Variants in PRKCB observed in about 807,000 individuals in gnomAD.
PRKCB encodes the protein protein kinase C beta type.
PRKCB carries 13 observed loss-of-function variants against 81.5 expected under a neutral mutation model. The observed-to-expected ratio is 0.16, with a 90% CI of 0.10 to 0.25. The LOEUF (loss-of-function observed/expected upper bound fraction) is 0.25, where lower values mean the gene tolerates loss of function less well. Ranked by LOEUF, PRKCB falls within the 10% of genes least tolerant of loss-of-function variation. PRKCB has a pLI of 1.00. For missense variants in PRKCB, 509 were observed against 875.7 expected (o/e 0.58, Z 5.29); for synonymous variants, 335 against 321.4 (o/e 1.04, Z -0.45).
At chr16:24,171,890 C>T (rs191289907) in intron 10 of PRKCB, among the ~76,000 whole-genome samples, 13 of 152,176 alleles carry the variant, frequency 8.5e-5, no homozygotes, top group East Asian at 1.9e-4. Flanking sequence ...CCTGCCACCA[C>T]GATTCGCTAA....
chr16:24,163,711 T>C (rs903176929), intron 10 of PRKCB, among the ~76,000 whole-genome samples: 1 of 152,230 alleles, frequency 6.6e-6, no homozygotes, highest in Non-Finnish European at 1.5e-5. Context: ...ACACATGTCA[T>C]TGAGTGCACA....
intron 2 of PRKCB, among the ~76,000 whole-genome samples, chr16:23,888,672 T>C (rs1379381446): frequency 6.8e-6 from 1 of 147,708 alleles, no homozygotes; most frequent in African/African-American, 2.7e-5. Context: ...GTCATGTTTC[T>C]CGACCACAAC....
rs73550406 is a variant in PRKCB, at chr16:24,194,638, C to G, written c.1863+3408C>G. On this transcript the variant is annotated intron_variant, in intron 16 of 16. Transcript: ENST00000643927. The stretch of plus-strand genomic sequence containing the variant: ...AAGAGGTCTAGCCTCGTGCCTGGCT[C>G]ATAGAAAGCACTCAGGAAAAGGTAG... Among the ~76,000 whole-genome samples the G allele has an allele frequency of 6.5e-3, 994 of 151,932 alleles. 12 individuals are homozygous for G. The highest frequency in any genetic ancestry group is 0.023 in the African/African-American group (946 of 41,220).
chr16:24,195,952 C>A (rs1567409366), intron 16 of PRKCB, among the ~76,000 whole-genome samples: 1 of 152,162 alleles, frequency 6.6e-6, no homozygotes, highest in Non-Finnish European at 1.5e-5. Flanking sequence ...TGCCCGAAGC[C>A]CTTTCCTATG....
At chr16:24,025,561 C>T (rs1965467935) in intron 3 of PRKCB, among the ~76,000 whole-genome samples, 1 of 152,198 alleles carries the variant, frequency 6.6e-6, no homozygotes, top group Non-Finnish European at 1.5e-5. Flanking sequence ...ACATTGCATG[C>T]AGTGAAGTGT....
chr16:23,875,499 A>AATG (rs1962982175), intron 2 of PRKCB, among the ~76,000 whole-genome samples: 1 of 17,586 alleles, frequency 5.7e-5, no homozygotes, highest in African/African-American at 2.2e-4. Flanking sequence ...ATATATATAT[A>AATG]TATATATGAT....
At chr16:24,113,542 C>T (rs1966704234) in intron 8 of PRKCB, among the ~76,000 whole-genome samples, 1 of 146,922 alleles carries the variant, frequency 6.8e-6, no homozygotes, top group African/African-American at 2.5e-5. Flanking sequence ...CCCCCCTTTC[C>T]TTTCTTTCTT....
rs1966866117 is a variant in PRKCB at position 24,136,761 on chromosome 16, A to AG, written c.1065+12782dup. 4.6e-5 allele frequency among the ~76,000 whole-genome samples: 7 copies of AG among 152,260 alleles called. No homozygotes were observed. The South Asian group carries it at 1.5e-3, about 32-fold the overall frequency. The stretch of plus-strand genomic sequence containing the variant: ...AGGAAAGATGACAAGAAAAGCAAAT[A>AG]GGATGTGGGCAGTTTTCCTATGAGA... On this transcript the variant is annotated intron_variant, in intron 9 of 16. Transcript: ENST00000643927.
intron 2 of PRKCB, among the ~76,000 whole-genome samples, chr16:23,953,484 G>A (rs1459775552): frequency 2.0e-5 from 3 of 152,134 alleles, no homozygotes; most frequent in South Asian, 2.1e-4. Flanking sequence ...ACACCCAGGG[G>A]CTCCTTGAAT....
chr16:24,062,492 TTG>T (rs1965986091), intron 5 of PRKCB, among the ~76,000 whole-genome samples: 3 of 152,228 alleles, frequency 2.0e-5, no homozygotes, highest in Non-Finnish European at 4.4e-5. Context: ...AAACGAATTG[TTG>T]TTCTTTCCTT....
At chr16:23,988,009 A>G (rs1964824700) in intron 2 of PRKCB, among the ~76,000 whole-genome samples, 1 of 152,172 alleles carries the variant, frequency 6.6e-6, no homozygotes, top group African/African-American at 2.4e-5. Flanking sequence ...TATTAGATTG[A>G]CGTTGCTTTT....
chr16:24,197,232 CATT>C (rs1299451606), intron 16 of PRKCB, among the ~76,000 whole-genome samples: 1 of 152,084 alleles, frequency 6.6e-6, no homozygotes, highest in East Asian at 1.9e-4. Flanking sequence ...AGTTGATAAA[CATT>C]ATGCAGGAAG....
chr16:24,137,248 G>A lies in PRKCB; in HGVS notation c.1065+13267G>A, dbSNP rs181677256. Among the ~76,000 whole-genome samples the A allele has an allele frequency of 3.3e-5, 5 of 152,074 alleles. No homozygotes were observed. The East Asian group carries it at 9.7e-4, about 29-fold the overall frequency. ...TTGTTGCCTAGGCTGGAGTGCAGTG[G>A]CATGATCTTAGCTCACTGCAGCCCC... On this transcript the variant is annotated intron_variant, in intron 9 of 16. Transcript: ENST00000643927.
At position 24,218,475 on chromosome 16, in the gene PRKCB, C is replaced by T. The variant is rs1414831579; in HGVS notation, c.*3659C>T. On this transcript the variant is annotated 3_prime_UTR_variant, in exon 17 of 17. Coordinates refer to ENST00000643927, the MANE Select transcript of PRKCB (RefSeq NM_002738.7). ...CTTAGCCTGCCCCACTCTAGCCACA[C>T]ATACCCACGTGTGCTCCTGAGTTCA... The T allele has an allele frequency of 1.0e-6, 1 of 985,374 alleles. No homozygotes were observed. The highest frequency in any genetic ancestry group is 1.7e-5 in the African/African-American group (1 of 57,232). The allele number at this position is 985,374 out of a possible 1,614,324, so 61.0% of individuals were successfully genotyped here.
At chr16:23,935,548 C>G (rs1964046749) in intron 2 of PRKCB, among the ~76,000 whole-genome samples, 1 of 152,060 alleles carries the variant, frequency 6.6e-6, no homozygotes, top group Admixed American at 6.6e-5. Flanking sequence ...TCCTCCACCC[C>G]AAAATCTCTT....
intron 5 of PRKCB, 57 bp downstream of exon 5, chr16:24,035,604 A>C: frequency 2.3e-6 from 3 of 1,295,694 alleles, no homozygotes; most frequent in Non-Finnish European, 3.1e-6. Context: ...TGTGATTGAG[A>C]AGGGGAGGGT....
chr16:23,985,127 T>C (rs912903354), intron 2 of PRKCB, among the ~76,000 whole-genome samples: 6 of 152,196 alleles, frequency 3.9e-5, no homozygotes, highest in Non-Finnish European at 8.8e-5. Flanking sequence ...AGTCTCGCTC[T>C]GTTGCCCAGG....
rs771070281 is a variant in PRKCB at position 24,094,853 on chromosome 16, A to AAGGAAGGAAGGAAGGAAGGG, written c.821+557_821+558insGGAAGGAAGGAAGGAAGGGA. The stretch of plus-strand genomic sequence containing the variant: ...GAAGGAAGGAAGGAAGGAAGGAAGG[A>AAGGAAGGAAGGAAGGAAGGG]AAGGAAGAAAAAGGGAAAGGGAAAG... On this transcript the variant is annotated intron_variant, in intron 7 of 16. Coordinates refer to ENST00000643927, the MANE Select transcript of PRKCB (RefSeq NM_002738.7). Among the ~76,000 whole-genome samples, 769 of 139,706 alleles carry AAGGAAGGAAGGAAGGAAGGG rather than the reference A, an allele frequency of 5.5e-3. 7 individuals carry two copies. Among genetic ancestry groups the AAGGAAGGAAGGAAGGAAGGG allele is most frequent in the Middle Eastern group, 0.037 (10 of 270 alleles). The allele number at this position is 139,706 out of a possible 152,430, so 91.7% of individuals were successfully genotyped here.
intron 5 of PRKCB, among the ~76,000 whole-genome samples, chr16:24,076,903 T>C (rs1029217792): frequency 6.6e-6 from 1 of 152,148 alleles, no homozygotes; most frequent in Non-Finnish European, 1.5e-5. Context: ...CGGATTTGTA[T>C]TTGCATCTCA....
Sources: gnomAD v4.1 joint callset for allele counts (sites outside exome capture counted in the v4.1 genomes callset) on GRCh38, gnomAD v4.1.1 for gene constraint, MANE v1.5 for transcripts, NCBI Gene and HGNC (gene_info 2026-07-23, HGNC 2026-07-21) for gene names.